ABCA12: variants seen among roughly 807,000 people sequenced by gnomAD.
The protein encoded by ABCA12 is ATP binding cassette subfamily A member 12.
A neutral mutation model predicts 293.5 loss-of-function variants in ABCA12; 156 were observed. The ratio of observed to expected loss-of-function variants is 0.53; its 90% CI spans 0.47 to 0.61. The LOEUF is 0.61. ABCA12 is among the 20% of genes least tolerant of loss of function. The pLI is 0.00. For synonymous variants in ABCA12, 1,063 were observed against 1,108.0 expected, an observed-to-expected ratio of 0.96 and a Z score of 0.81; for missense variants, 2,797 against 3,090.2, an observed-to-expected ratio of 0.91 and a Z score of 2.25.
At chr2:214,941,045 T>C (rs1455077726) in intron 50 of ABCA12, among the ~76,000 whole-genome samples, 1 of 152,194 alleles carries the variant, frequency 6.6e-6, no homozygotes, top group Non-Finnish European at 1.5e-5. Flanking sequence ...GTTGTTTTAA[T>C]TGAGATGTTA....
chr2:214,969,218 A>G (rs370797130), intron 37 of ABCA12, among the ~76,000 whole-genome samples: 2 of 152,060 alleles, frequency 1.3e-5, no homozygotes, highest in Non-Finnish European at 2.9e-5. Flanking sequence ...AATTTCTTCT[A>G]TATAACAAAT....
chr2:215,089,305 C>T (rs568157229), intron 2 of ABCA12, among the ~76,000 whole-genome samples: 1 of 151,320 alleles, frequency 6.6e-6, no homozygotes, highest in East Asian at 1.9e-4. Context: ...GAATGGGGAA[C>T]AAAACCACGT....
chr2:215,092,600 C>T (rs746219798), intron 2 of ABCA12, among the ~76,000 whole-genome samples: 6 of 152,070 alleles, frequency 3.9e-5, no homozygotes, highest in East Asian at 1.9e-4. Flanking sequence ...GGCTTTAAAA[C>T]GGTTAAAGCT....
At chr2:215,136,082 C>T (rs1480569834) in intron 1 of ABCA12, among the ~76,000 whole-genome samples, 1 of 152,144 alleles carries the variant, frequency 6.6e-6, no homozygotes, top group Non-Finnish European at 1.5e-5. Flanking sequence ...CCTCACTCTG[C>T]CGTGAAGACT....
rs1698057580 is a variant in ABCA12, at chr2:214,931,576, G to GAGAC, written c.*1054_*1057dup. ...CTAAACTTTGAGTTTATTGGTTTTC[G>GAGAC]AGACAAACAGTCATGCCAAAGCTGA... On this transcript the variant is annotated 3_prime_UTR_variant, in exon 53 of 53. Transcript: ENST00000272895. 1 of 125,904 alleles carries GAGAC rather than the reference G, an allele frequency of 7.9e-6. No homozygotes were observed. Among genetic ancestry groups the GAGAC allele is most frequent in the Non-Finnish European group, 1.9e-5 (1 of 53,012 alleles). 7.8% of individuals were successfully genotyped at this position (125,904 alleles called of 1,614,324 possible).
chr2:215,016,379 C>G (rs1044311845), intron 14 of ABCA12, among the ~76,000 whole-genome samples: 32 of 151,134 alleles, frequency 2.1e-4, no homozygotes, highest in African/African-American at 7.8e-4. Flanking sequence ...GTCAGGAAAT[C>G]AAGACCATCC....
chr2:215,051,538 A>G (rs1400420294), intron 5 of ABCA12, among the ~76,000 whole-genome samples: 3 of 151,894 alleles, frequency 2.0e-5, no homozygotes, highest in Admixed American at 1.3e-4. Flanking sequence ...AATAAATGTT[A>G]AAGACATGTC....
At chr2:214,961,395 T>A (rs1699109793) in intron 39 of ABCA12, among the ~76,000 whole-genome samples, 1 of 152,124 alleles carries the variant, frequency 6.6e-6, no homozygotes, top group South Asian at 2.1e-4. Context: ...CTCTGTAACT[T>A]AAAATGTAAT....
Position 215,054,478 on chromosome 2 carries a change from T to C in ABCA12, c.409+95A>G, listed in dbSNP as rs555567705. On this transcript the variant is annotated intron_variant, in intron 4 of 52. Transcript: ENST00000272895. ...ACAGGGCTATTCTAAGCATTCCTTC[T>C]TTGTTTGAAAAGTTTAAAGTATAAA... 4.2e-5 allele frequency: 47 copies of C among 1,111,484 alleles called. No individual in the cohort carries two copies. In the African/African-American group the frequency reaches 4.9e-4, roughly 12 times the overall value. The allele number at this position is 1,111,484 out of a possible 1,614,324, so 68.9% of individuals were successfully genotyped here.
intron 35 of ABCA12, 36 bp from the exon 36 acceptor site, chr2:214,974,078 T>C: frequency 1.3e-6 from 2 of 1,551,106 alleles, no homozygotes; most frequent in East Asian, 2.2e-5. Flanking sequence ...GAGGTGTGTA[T>C]GTATATGTGT....
intron 2 of ABCA12, among the ~76,000 whole-genome samples, chr2:215,110,115 T>C (rs1253675467): frequency 1.3e-5 from 2 of 152,148 alleles, no homozygotes; most frequent in African/African-American, 2.4e-5. Flanking sequence ...AAATAACTAA[T>C]ATACACATAA....
In ABCA12 at chr2:214,932,467, G is replaced by A; in HGVS notation, c.*167C>T. The A allele has an allele frequency of 1.5e-6, 1 of 645,796 alleles. No individual in the cohort carries two copies. Among genetic ancestry groups the A allele is most frequent in the East Asian group, 2.8e-5 (1 of 35,790 alleles). The allele number at this position is 645,796 out of a possible 1,614,324, so 40.0% of individuals were successfully genotyped here. A position where few individuals can be genotyped will look rare whatever the true frequency, so the allele number is the denominator to read the frequency against. On this transcript the variant is annotated 3_prime_UTR_variant, in exon 53 of 53. Coordinates refer to ENST00000272895, the MANE Select transcript of ABCA12 (RefSeq NM_173076.3). Reference sequence around the variant, plus strand: ...CAACAACACTCACTGACCTTAGAAGGAAAAATTTCCTTTTATAATTACTTG... The same window carrying A: ...CAACAACACTCACTGACCTTAGAAGAAAAAATTTCCTTTTATAATTACTTG...
intron 3 of ABCA12, among the ~76,000 whole-genome samples, chr2:215,063,305 C>T (rs147977931): frequency 1.2e-4 from 18 of 151,884 alleles, no homozygotes; most frequent in Admixed American, 9.8e-4. Context: ...TAAATATCTA[C>T]GATTATAGAT....
chr2:214,967,099 T>A (rs1319296178), intron 38 of ABCA12, 146 bp from the exon 39 acceptor site: 2 of 759,244 alleles, frequency 2.6e-6, no homozygotes, highest in African/African-American at 3.5e-5. Context: ...TATGCACTGT[T>A]CTCTAGAGTA....
intron 1 of ABCA12, among the ~76,000 whole-genome samples, chr2:215,131,382 AG>A (rs1311206308): frequency 6.6e-6 from 1 of 150,506 alleles, no homozygotes; most frequent in Admixed American, 6.6e-5. Flanking sequence ...TTTTATCGGG[AG>A]ATTTTTTTTA....
Position 214,975,699 on chromosome 2 carries a change from C to T in ABCA12, c.5381+86G>A, listed in dbSNP as rs999111430. 56 of 1,560,326 alleles carry T rather than the reference C, an allele frequency of 3.6e-5. 1 individual carries two copies. The South Asian group carries it at 5.3e-4, about 15-fold the overall frequency. On this transcript the variant is annotated intron_variant, in intron 34 of 52. Coordinates refer to ENST00000272895, the MANE Select transcript of ABCA12 (RefSeq NM_173076.3). ...CCATGGCTTCTAAGTACTTTATTCT[C>T]CAGATCTCATGGCCTTCATTCAGGT...
At chr2:215,045,623 G>A (rs927880107) in intron 7 of ABCA12, among the ~76,000 whole-genome samples, 9 of 152,210 alleles carry the variant, frequency 5.9e-5, no homozygotes, top group Non-Finnish European at 4.4e-5. Flanking sequence ...TCAGTTCCTC[G>A]TGGATGCTTC....
chr2:214,966,426 A>T (rs1195041468), intron 39 of ABCA12, among the ~76,000 whole-genome samples: 1 of 152,202 alleles, frequency 6.6e-6, no homozygotes, highest in African/African-American at 2.4e-5. Context: ...ATAATGAAAT[A>T]AAAAAGTAAC....
At chr2:214,985,384 C>T (rs1288156108) in intron 28 of ABCA12, among the ~76,000 whole-genome samples, 3 of 152,038 alleles carry the variant, frequency 2.0e-5, no homozygotes, top group Non-Finnish European at 4.4e-5. Flanking sequence ...GAAGGTAACA[C>T]CACACAGTGG....
Sources: gnomAD v4.1 joint callset for allele counts (sites outside exome capture counted in the v4.1 genomes callset) on GRCh38, gnomAD v4.1.1 for gene constraint, MANE v1.5 for transcripts, NCBI Gene and HGNC (gene_info 2026-07-23, HGNC 2026-07-21) for gene names.